SLC35F1: variants seen among roughly 807,000 people sequenced by gnomAD.
SLC35F1 encodes the protein solute carrier family 35 member F1.
In SLC35F1, 14 loss-of-function variants were observed where a neutral mutation model predicts 48.7. The observed-to-expected ratio is 0.29, with a 90% CI of 0.19 to 0.45. SLC35F1 has a LOEUF of 0.45. SLC35F1 is among the 20% of genes least tolerant of loss of function. SLC35F1 has a pLI of 1.00. For synonymous variants in SLC35F1, 190 were observed against 202.2 expected (o/e 0.94, Z 0.51); for missense variants, 404 against 500.0 (o/e 0.81, Z 1.83).
At chr6:117,929,011 T>C (rs1323101) in intron 1 of SLC35F1, among the ~76,000 whole-genome samples, 118,800 of 151,950 alleles carry the variant, frequency 0.78, 46,606 homozygotes, top group South Asian at 0.89. Flanking sequence ...CATCAGGCCT[T>C]CCAGATAGTA....
intron 5 of SLC35F1, among the ~76,000 whole-genome samples, chr6:118,276,585 A>G (rs1246791202): frequency 1.3e-5 from 2 of 152,204 alleles, no homozygotes; most frequent in Non-Finnish European, 2.9e-5. Flanking sequence ...TTTGGGGTCC[A>G]TTTTGAAAGT....
chr6:118,192,655 T>G (rs1774747571), intron 2 of SLC35F1, among the ~76,000 whole-genome samples: 1 of 152,178 alleles, frequency 6.6e-6, no homozygotes, highest in South Asian at 2.1e-4. Flanking sequence ...TACTCAGACA[T>G]ATTAGAATTT....
chr6:118,230,869 G>A (rs1357866349), intron 2 of SLC35F1, among the ~76,000 whole-genome samples: 3 of 152,080 alleles, frequency 2.0e-5, no homozygotes, highest in Non-Finnish European at 4.4e-5. Flanking sequence ...GCTGAAGCAG[G>A]AGGATCACTT....
intron 3 of SLC35F1, among the ~76,000 whole-genome samples, chr6:118,242,577 T>C (rs1775454861): frequency 6.6e-6 from 1 of 152,204 alleles, no homozygotes; most frequent in Non-Finnish European, 1.5e-5. Context: ...TTGTGGAGGA[T>C]GAATAGATTG....
At chr6:117,997,879 T>C (rs112300710) in intron 1 of SLC35F1, among the ~76,000 whole-genome samples, 6,595 of 152,004 alleles carry the variant, frequency 0.043, 495 homozygotes, top group African/African-American at 0.15. Flanking sequence ...ACGAGCAAAA[T>C]AACCAGCTAA....
At chr6:118,296,958 T>C (rs922771794) in intron 7 of SLC35F1, among the ~76,000 whole-genome samples, 4 of 147,132 alleles carry the variant, frequency 2.7e-5, no homozygotes, top group Non-Finnish European at 4.6e-5. Flanking sequence ...ACCAAACTCA[T>C]AGAAATCAGA....
chr6:118,010,874 C>T (rs557675849), intron 1 of SLC35F1, among the ~76,000 whole-genome samples: 3 of 151,942 alleles, frequency 2.0e-5, no homozygotes, highest in Non-Finnish European at 2.9e-5. Flanking sequence ...CCTTTTCTAA[C>T]TCTCTCTCTC....
chr6:118,001,591 T>C (rs899172508), intron 1 of SLC35F1, among the ~76,000 whole-genome samples: 5 of 151,810 alleles, frequency 3.3e-5, no homozygotes, highest in African/African-American at 1.2e-4. Flanking sequence ...AAAGCCAAAA[T>C]TGACAAATGG....
In SLC35F1 at chr6:117,970,089, G is replaced by T. The variant is rs534371039; in HGVS notation, c.173+62190G>T. On this transcript the variant is annotated intron_variant, in intron 1 of 7. Coordinates refer to ENST00000360388, the MANE Select transcript of SLC35F1 (RefSeq NM_001029858.4). Reference sequence around the variant, plus strand: ...TTTTTAGTGATTTTGTCTGAATTTGGTGACTTTACTTTTTGATGCTGAGGT... The same window carrying T: ...TTTTTAGTGATTTTGTCTGAATTTGTTGACTTTACTTTTTGATGCTGAGGT... Among the ~76,000 whole-genome samples, 10 of 152,298 alleles carry T rather than the reference G, an allele frequency of 6.6e-5. No homozygotes were observed. The South Asian group carries it at 1.0e-3, about 16-fold the overall frequency.
chr6:117,938,167 T>C (rs1350882000), intron 1 of SLC35F1, among the ~76,000 whole-genome samples: 2 of 152,174 alleles, frequency 1.3e-5, no homozygotes, highest in African/African-American at 2.4e-5. Flanking sequence ...TGGGGTAATA[T>C]AGAGGAGATG....
intron 1 of SLC35F1, among the ~76,000 whole-genome samples, chr6:118,038,549 T>C (rs1772166898): frequency 6.6e-6 from 1 of 151,976 alleles, no homozygotes; most frequent in African/African-American, 2.4e-5. Context: ...TATTCTTTAA[T>C]TTATTTTAAT....
At chr6:118,280,241 T>G (rs916779727) in intron 6 of SLC35F1, among the ~76,000 whole-genome samples, 1 of 152,184 alleles carries the variant, frequency 6.6e-6, no homozygotes, top group Non-Finnish European at 1.5e-5. Context: ...GGAGCAGGAA[T>G]GTTAGAGTCA....
chr6:118,274,762 T>C (rs1775899067), intron 4 of SLC35F1, among the ~76,000 whole-genome samples: 2 of 152,220 alleles, frequency 1.3e-5, no homozygotes, highest in South Asian at 4.1e-4. Flanking sequence ...GTGAATTACA[T>C]ATATTTACAC....
At chr6:118,308,686 G>T in intron 7 of SLC35F1, among the ~76,000 whole-genome samples, 1 of 152,178 alleles carries the variant, frequency 6.6e-6, no homozygotes, top group East Asian at 1.9e-4. Flanking sequence ...AAAGGACATG[G>T]TTATTATGGT....
intron 1 of SLC35F1, among the ~76,000 whole-genome samples, chr6:117,968,558 A>G (rs1776600163): frequency 6.6e-6 from 1 of 152,222 alleles, no homozygotes; most frequent in African/African-American, 2.4e-5. Flanking sequence ...CAAATTGTGC[A>G]TTAAAGTCAC....
intron 2 of SLC35F1, among the ~76,000 whole-genome samples, chr6:118,195,495 C>G (rs987470718): frequency 4.0e-5 from 6 of 150,382 alleles, no homozygotes; most frequent in African/African-American, 1.5e-4. Context: ...CCTTGGTTAA[C>G]TTAGCCAATG....
chr6:117,975,042 C>A (rs911790582), intron 1 of SLC35F1, among the ~76,000 whole-genome samples: 1 of 152,158 alleles, frequency 6.6e-6, no homozygotes, highest in Non-Finnish European at 1.5e-5. Flanking sequence ...TTTCCCACAC[C>A]ACACTTGGAG....
intron 6 of SLC35F1, among the ~76,000 whole-genome samples, chr6:118,278,760 C>G (rs1282438159): frequency 6.6e-6 from 1 of 152,198 alleles, no homozygotes; most frequent in African/African-American, 2.4e-5. Context: ...CCCACAACAC[C>G]AGAAAACAAA....
intron 1 of SLC35F1, among the ~76,000 whole-genome samples, chr6:118,070,246 A>C (rs984902833): frequency 2.0e-5 from 3 of 152,138 alleles, no homozygotes; most frequent in Non-Finnish European, 2.9e-5. Context: ...AAAAAAGCAA[A>C]CTGCTTCTCT....
Sources: allele counts gnomAD v4.1 joint callset (sites outside exome capture counted in the v4.1 genomes callset), GRCh38; gene constraint gnomAD v4.1.1; transcripts MANE v1.5; gene names NCBI Gene and HGNC (gene_info 2026-07-23, HGNC 2026-07-21).